The following FRYL variants were observed in gnomAD, a reference collection of about 807,000 sequenced individuals.
FRYL encodes the protein FRY like transcription coactivator.
FRYL carries 150 observed loss-of-function variants against 351.2 expected under a neutral mutation model. The ratio of observed to expected loss-of-function variants is 0.43; its 90% CI spans 0.37 to 0.49. The LOEUF is 0.49. FRYL is among the 20% of genes least tolerant of loss of function. FRYL has a pLI of 0.00. For synonymous variants in FRYL, 1,153 were observed against 1,257.1 expected (o/e 0.92, Z 1.75); for missense variants, 3,036 against 3,619.3 (o/e 0.84, Z 4.13).
chr4:48,692,177 C>A (rs76323340), intron 2 of FRYL, among the ~76,000 whole-genome samples: 3,969 of 152,270 alleles, frequency 0.026, 67 homozygotes, highest in Admixed American at 0.046. Context: ...GATTTTTCAA[C>A]CTCACTGTTG....
At chr4:48,747,471 T>C (rs1772811623) in intron 1 of FRYL, among the ~76,000 whole-genome samples, 1 of 152,242 alleles carries the variant, frequency 6.6e-6, no homozygotes, top group Non-Finnish European at 1.5e-5. Context: ...TTATATTTTA[T>C]TCAGATTAAA....
chr4:48,611,913 T>C (rs1377083720), intron 7 of FRYL, among the ~76,000 whole-genome samples: 1 of 152,138 alleles, frequency 6.6e-6, no homozygotes, highest in Admixed American at 6.5e-5. Context: ...GTAGAGAGAA[T>C]GTAAAAAAGT....
intron 35 of FRYL, among the ~76,000 whole-genome samples, chr4:48,553,674 C>CA (rs1480396775): frequency 6.7e-6 from 1 of 148,920 alleles, no homozygotes; most frequent in Non-Finnish European, 1.5e-5. Context: ...AAAAAAAAAA[C>CA]AAAAAAATAC....
chr4:48,562,974 T>C lies in FRYL; in HGVS notation c.3611A>G (p.Asp1204Gly). 1 of 1,590,642 alleles carries C rather than the reference T, an allele frequency of 6.3e-7. No individual in the cohort carries two copies. The change falls in exon 32 of 64, where the codon GAC becomes GGC. Residue 1204 changes from aspartate to glycine, a missense_variant. Around this residue, in one of 7 missense-constraint regions of FRYL, gnomAD observed 1,987 missense variants for 2,311.7 expected, o/e 0.86. Coordinates refer to ENST00000358350, the MANE Select transcript of FRYL (RefSeq NM_015030.2). Reference sequence around the variant, plus strand: ...TATCAGATTTAGAAGCATCACTGTGTCACATTGATAATCCCTAGGAATAAA... The same window carrying C: ...TATCAGATTTAGAAGCATCACTGTGCCACATTGATAATCCCTAGGAATAAA... ...NVFQNRDYQC[D>G]TVMLLNLILF...
At chr4:48,553,489 G>T in intron 35 of FRYL, 106 bp from the exon 36 acceptor site, 1 of 702,022 alleles carries the variant, frequency 1.4e-6, no homozygotes, top group Non-Finnish European at 2.4e-6. Context: ...AGTGGTAGAT[G>T]AATAAACACA....
chr4:48,769,162 C>T (rs7663687), intron 1 of FRYL, among the ~76,000 whole-genome samples: 150,156 of 152,342 alleles, frequency 0.99, 74,056 homozygotes, highest in Middle Eastern at 1. Flanking sequence ...ACGGACTATA[C>T]GAAAAGGCAA....
At chr4:48,716,090 G>GGATC (rs1768792453) in intron 1 of FRYL, among the ~76,000 whole-genome samples, 1 of 152,190 alleles carries the variant, frequency 6.6e-6, no homozygotes, top group Non-Finnish European at 1.5e-5. Flanking sequence ...AGCAGAATCT[G>GGATC]GATCCCTTCC....
rs1046052175 is a variant in FRYL at position 48,540,798 on chromosome 4, T to A, written c.5850A>T (p.Arg1950=). ...NSLRLSLIGD[R]RGDRRRSNTL... is the part of the protein sequence containing the mutation. ...TGTTACTCCGCCGCCGGTCACCTCG[T>A]CGGTCACCAATCAAACTTAATCTCA... Residue 1950 remains arginine, a synonymous_variant, in exon 46 of 64, where the codon CGA becomes CGT. Coordinates refer to ENST00000358350, the MANE Select transcript of FRYL (RefSeq NM_015030.2). 6.2e-7 allele frequency: 1 copy of A among 1,613,878 alleles called. No homozygotes were observed. Among genetic ancestry groups the A allele is most frequent in the African/African-American group, 1.3e-5 (1 of 74,922 alleles).
rs1309512100 is a variant in FRYL at position 48,502,814 on chromosome 4, G to GAC, written c.8481+12_8481+13dup. 1.2e-6 allele frequency: 2 copies of GAC among 1,605,692 alleles called. No homozygotes were observed. Among genetic ancestry groups the GAC allele is most frequent in the African/African-American group, 2.7e-5 (2 of 74,610 alleles). Reference sequence around the variant, plus strand: ...CAAGGGTGAGTAGTCTATAAATCAAGACAGGTCACTTACTGCTAGTATTTC... The same window carrying GAC: ...CAAGGGTGAGTAGTCTATAAATCAAGACACAGGTCACTTACTGCTAGTATTTC... On this transcript the variant is annotated intron_variant, in intron 61 of 63. Transcript: ENST00000358350.
In FRYL at chr4:48,575,170, T is replaced by C. The variant is rs1203994681; in HGVS notation, c.2793A>G (p.Glu931=). The C allele has an allele frequency of 2.5e-6, 4 of 1,613,966 alleles. 1 individual carries two copies. In the Admixed American group the frequency reaches 5.0e-5, roughly 20 times the overall value. Residue 931 remains glutamate (E), a synonymous_variant, in exon 25 of 64, where the codon GAA becomes GAG. Transcript: ENST00000358350. ...GACCTAGAACAAGGGATTCTGTGAT[T>C]TCCATGCTCTCAGAACGCATCATTG... ...IVPMMRSESM[E]ITESLVLGLG...
intron 58 of FRYL, 107 bp from the exon 59 acceptor site, chr4:48,510,264 G>A (rs1374180524): frequency 2.5e-6 from 2 of 801,392 alleles, no homozygotes; most frequent in Non-Finnish European, 4.3e-6. Context: ...GTTGGTTTTT[G>A]GATATTCTCT....
chr4:48,505,462 TAATC>T (rs1205426232), intron 60 of FRYL, 81 bp downstream of exon 60: 4 of 787,462 alleles, frequency 5.1e-6, no homozygotes, highest in East Asian at 2.5e-5. Flanking sequence ...TTTTTAGAAA[TAATC>T]AAATAAGGAT....
intron 42 of FRYL, among the ~76,000 whole-genome samples, chr4:48,545,171 T>C (rs1313962166): frequency 1.3e-5 from 2 of 152,222 alleles, no homozygotes; most frequent in Admixed American, 6.5e-5. Context: ...TGAAGCATAT[T>C]GGTTACTGCT....
chr4:48,529,148 C>G (rs1218572064), intron 50 of FRYL, among the ~76,000 whole-genome samples: 1 of 152,158 alleles, frequency 6.6e-6, no homozygotes. Flanking sequence ...CATGGAATAT[C>G]CACTAAGTAA....
At chr4:48,619,979 A>G (rs1306850722) in intron 6 of FRYL, among the ~76,000 whole-genome samples, 1 of 152,262 alleles carries the variant, frequency 6.6e-6, no homozygotes, top group Non-Finnish European at 1.5e-5. Flanking sequence ...GCATTGTTCC[A>G]TATTTGATTA....
At chr4:48,710,741 C>T in intron 1 of FRYL, 43 bp from the exon 2 acceptor site, 1 of 396,158 alleles carries the variant, frequency 2.5e-6, no homozygotes, top group Admixed American at 4.4e-5. Context: ...CACTAACAGC[C>T]ATGCTTACAA....
rs1344673850 is a variant in FRYL at position 48,582,645 on chromosome 4, T to G, written c.1838A>C (p.Asp613Ala). The G allele has an allele frequency of 6.2e-7, 1 of 1,613,838 alleles. No homozygotes were observed. Among genetic ancestry groups the G allele is most frequent in the African/African-American group, 1.3e-5 (1 of 74,908 alleles). Reference sequence around the variant, plus strand: ...AAAATAAACAAATCCTGAAAGAACATCCTCCCGCCAATCTGGAAAATCAAG... The same window carrying G: ...AAAATAAACAAATCCTGAAAGAACAGCCTCCCGCCAATCTGGAAAATCAAG... The part of the protein sequence containing the change: ...LMLDFPDWRE[D>A]VLSGFVYFIV... Residue 613 changes from aspartate to alanine, a missense_variant, in exon 20 of 64, where the codon GAT becomes GCT. Around this residue, in one of 7 missense-constraint regions of FRYL, gnomAD observed 492 missense variants for 551.5 expected, o/e 0.89. Coordinates refer to ENST00000358350, the MANE Select transcript of FRYL (RefSeq NM_015030.2).
chr4:48,558,157 G>A (rs1734563720), intron 33 of FRYL, among the ~76,000 whole-genome samples: 1 of 152,136 alleles, frequency 6.6e-6, no homozygotes, highest in Non-Finnish European at 1.5e-5. Context: ...GAGGTAGGTG[G>A]AAGCAACCTA....
intron 1 of FRYL, chr4:48,727,382 C>T (rs1316769642): frequency 1.3e-5 from 2 of 152,180 alleles, no homozygotes; most frequent in African/African-American, 4.8e-5. Context: ...GCCCCACTGC[C>T]CCCCAAATTG....
Sources: allele counts gnomAD v4.1 joint callset (sites outside exome capture counted in the v4.1 genomes callset), GRCh38; gene constraint gnomAD v4.1.1; regional missense constraint gnomAD v4.1.1; transcripts MANE v1.5; gene names NCBI Gene and HGNC (gene_info 2026-07-23, HGNC 2026-07-21).